DMD: variants seen among roughly 807,000 people sequenced by gnomAD.
The protein encoded by DMD is mutant dystrophin.
A neutral mutation model predicts 330.1 loss-of-function variants in DMD; 63 were observed. The observed-to-expected ratio is 0.19, with a 90% CI of 0.16 to 0.24. The LOEUF (loss-of-function observed/expected upper bound fraction) is 0.24. Ranked by LOEUF, DMD falls within the 10% of genes least tolerant of loss-of-function variation. The probability of loss-of-function intolerance (pLI) is 1.00; values close to 1 mark genes in which losing one functional copy is unlikely to be tolerated. For missense variants in DMD, 3,344 were observed against 2,684.1 expected (o/e 1.25, Z -5.43); for synonymous variants, 1,223 against 959.8 (o/e 1.27, Z -5.07).
At chrX:31,421,958 T>TACACATATATATATGTATATATACAC (rs2063424265) in intron 60 of DMD, among the ~76,000 whole-genome samples, 1 of 67,840 alleles carries the variant, frequency 1.5e-5, no homozygotes, top group Non-Finnish European at 2.3e-5. Context: ...TATATATATA[T>TACACATATATATATGTATATATACAC]ACACATATAT....
At position 31,671,800 on chromosome X, in the gene DMD, C is replaced by A. The variant is rs183442758; in HGVS notation, c.7872+7575G>T. On this transcript the variant is annotated intron_variant, in intron 53 of 78. Coordinates refer to ENST00000357033, the MANE Select transcript of DMD (RefSeq NM_004006.3). ...GTAATTTGACCATTTCTTTCCTAAC[C>A]AATCAGCTAAAACTTTGTCAATTTT... Among the ~76,000 whole-genome samples, 234 of 111,656 alleles carry A rather than the reference C, an allele frequency of 2.1e-3. 2 individuals carry two copies. The highest frequency in any genetic ancestry group is 6.9e-3 in the African/African-American group (213 of 30,863).
chrX:31,961,740 G>GTTTTTTTTT (rs59279553), intron 45 of DMD, among the ~76,000 whole-genome samples: 46 of 75,590 alleles, frequency 6.1e-4, no homozygotes, highest in African/African-American at 2.4e-3. Flanking sequence ...AAAGGAAGCG[G>GTTTTTTTTT]TTTTTTTTTT....
chrX:32,033,354 T>A (rs1401088700), intron 44 of DMD, among the ~76,000 whole-genome samples: 1 of 110,489 alleles, frequency 9.1e-6, no homozygotes, highest in Non-Finnish European at 1.9e-5. Flanking sequence ...GCATGTAGTA[T>A]TTATTAAGAT....
intron 2 of DMD, among the ~76,000 whole-genome samples, chrX:32,864,775 A>G (rs191913302): frequency 2.6e-3 from 296 of 112,126 alleles, no homozygotes; most frequent in African/African-American, 9.1e-3. Context: ...TGTATTTGAA[A>G]AATGTGGCTT....
intron 41 of DMD, among the ~76,000 whole-genome samples, chrX:32,318,637 C>CA (rs759706934): frequency 1.0e-3 from 114 of 110,381 alleles, no homozygotes; most frequent in African/African-American, 3.5e-3. Flanking sequence ...GCTATGTAAC[C>CA]AAAAAAAGGG....
At chrX:31,409,850 G>T (rs1392246266) in intron 60 of DMD, among the ~76,000 whole-genome samples, 2 of 111,200 alleles carry the variant, frequency 1.8e-5, no homozygotes, top group African/African-American at 3.3e-5. Context: ...ATAGAGTCTT[G>T]CTCTATCGCC....
At chrX:33,051,644 C>CTCTTTTTTTTTTTTTTT (rs1569551755) in intron 1 of DMD, among the ~76,000 whole-genome samples, 1 of 80,703 alleles carries the variant, frequency 1.2e-5, no homozygotes, top group African/African-American at 6.1e-5. Flanking sequence ...TAATTACGCT[C>CTCTTTTTTTTTTTTTTT]TATTTTTTTT....
At chrX:31,797,545 AATTAT>A (rs1446387633) in intron 50 of DMD, among the ~76,000 whole-genome samples, 2 of 112,249 alleles carry the variant, frequency 1.8e-5, no homozygotes, top group Non-Finnish European at 3.8e-5. Context: ...TTTAAAAAAC[AATTAT>A]ATTTACCAAG....
At chrX:32,605,267 T>G (rs1304784362) in intron 12 of DMD, among the ~76,000 whole-genome samples, 1 of 110,317 alleles carries the variant, frequency 9.1e-6, no homozygotes, top group African/African-American at 3.3e-5. Flanking sequence ...GACCAACACA[T>G]CTTTAACAAA....
rs1419424524 is a variant in DMD at position 33,198,171 on chromosome X, T to C, written c.31+13111A>G. The stretch of plus-strand genomic sequence containing the variant: ...GTAGTGTTAATTTGCATTTCTTTAA[T>C]GGCTAGTGAAGCTGAACATCTTTTT... On this transcript the variant is annotated intron_variant, in intron 1 of 78. Coordinates refer to ENST00000357033, the MANE Select transcript of DMD (RefSeq NM_004006.3). Among the ~76,000 whole-genome samples the C allele has an allele frequency of 2.7e-5, 3 of 111,463 alleles. No individual in the cohort carries two copies. The Admixed American group carries it at 2.9e-4, about 11-fold the overall frequency.
intron 62 of DMD, among the ~76,000 whole-genome samples, chrX:31,280,796 A>G (rs1045743738): frequency 1.1e-4 from 12 of 111,488 alleles, no homozygotes; most frequent in African/African-American, 3.9e-4. Flanking sequence ...TAGATTCACA[A>G]GTGACCTTAA....
chrX:32,844,329 C>G (rs1603446914), intron 4 of DMD, among the ~76,000 whole-genome samples: 1 of 107,255 alleles, frequency 9.3e-6, no homozygotes, highest in Non-Finnish European at 1.9e-5. Flanking sequence ...TAGCTTAAAC[C>G]TGGAAGGCAG....
At chrX:33,112,627 G>A (rs904882398) in intron 1 of DMD, among the ~76,000 whole-genome samples, 3 of 111,034 alleles carry the variant, frequency 2.7e-5, no homozygotes, top group African/African-American at 9.8e-5. Flanking sequence ...GGTAAAATAT[G>A]GTGAAGGATC....
chrX:31,951,155 A>ATG (rs3072823), intron 45 of DMD, among the ~76,000 whole-genome samples: 12,651 of 83,711 alleles, frequency 0.15, 1,145 homozygotes, highest in African/African-American at 0.24. Context: ...ATATATATAT[A>ATG]TATGTATATA....
At chrX:31,425,695 T>TACACACACACACACACGCACACACACAC (rs939732484) in intron 60 of DMD, among the ~76,000 whole-genome samples, 14 of 103,590 alleles carry the variant, frequency 1.4e-4, no homozygotes, top group African/African-American at 3.1e-4. Flanking sequence ...CAGGCATGAG[T>TACACACACACACACACGCACACACACAC]ACACACACAC....
chrX:32,148,634 C>G (rs889944671), intron 44 of DMD, among the ~76,000 whole-genome samples: 3 of 110,566 alleles, frequency 2.7e-5, no homozygotes, highest in Non-Finnish European at 3.8e-5. Flanking sequence ...AAAGATGATG[C>G]TCTAAGTCTG....
Position 32,204,998 on chromosome X carries a change from C to CACA in DMD, c.6438+11917_6438+11918insTGT, listed in dbSNP as rs1399204716. Among the ~76,000 whole-genome samples, 18 of 53,518 alleles carry CACA rather than the reference C, an allele frequency of 3.4e-4. No homozygotes were observed. The Admixed American group carries it at 4.5e-3, about 13-fold the overall frequency. 46.5% of individuals were successfully genotyped at this position (53,518 alleles called of 115,157 possible). ...GCCATCTCTCTCTCTCTCTCTCTCT[C>CACA]TCTCTCTCACATACACACACACACA... On this transcript the variant is annotated intron_variant, in intron 44 of 78. Transcript: ENST00000357033.
chrX:31,344,765 G>A (rs1406418393), intron 61 of DMD, among the ~76,000 whole-genome samples: 2 of 110,172 alleles, frequency 1.8e-5, no homozygotes, highest in Admixed American at 9.8e-5. Flanking sequence ...CATGAGAATC[G>A]CTAGAACCCA....
intron 2 of DMD, among the ~76,000 whole-genome samples, chrX:33,002,471 C>A (rs1334442065): frequency 1.8e-5 from 2 of 110,455 alleles, no homozygotes; most frequent in Non-Finnish European, 3.8e-5. Flanking sequence ...TGGTGGCCTG[C>A]AATTGGTCTG....
Sources: allele counts gnomAD v4.1 joint callset (sites outside exome capture counted in the v4.1 genomes callset), GRCh38; gene constraint gnomAD v4.1.1; transcripts MANE v1.5; gene names NCBI Gene and HGNC (gene_info 2026-07-23, HGNC 2026-07-21).